Variants in GTF3C5 observed in about 807,000 individuals in gnomAD.
The protein encoded by GTF3C5 is general transcription factor IIIC subunit 5.
A neutral mutation model predicts 61.0 loss-of-function variants in GTF3C5; 47 were observed. The observed-to-expected ratio is 0.77, with a 90% CI of 0.61 to 0.98. GTF3C5 has a LOEUF of 0.98. Among genes scored for constraint, GTF3C5 ranks in the 50% least tolerant of loss-of-function variants. GTF3C5 has a pLI of 0.00. For missense variants in GTF3C5, 659 were observed against 703.3 expected (o/e 0.94, Z 0.71); for synonymous variants, 295 against 275.4 (o/e 1.07, Z -0.71).
intron 3 of GTF3C5, among the ~76,000 whole-genome samples, chr9:133,049,153 C>T (rs539835470): frequency 6.6e-6 from 1 of 152,336 alleles, no homozygotes; most frequent in South Asian, 2.1e-4. Flanking sequence ...CAGCAGTTCC[C>T]CACCTACTTA....
Position 133,037,177 on chromosome 9 carries a change from G to A in GTF3C5, c.154-4910G>A, listed in dbSNP as rs113832711. On this transcript the variant is annotated intron_variant, in intron 1 of 10. Transcript: ENST00000372097. ...TTCCATTCGCAAGCAAAAATGTCTC[G>A]GCTGTCCTCAGACAAGGGGCATGCC... Among the ~76,000 whole-genome samples, 468 of 152,214 alleles carry A rather than the reference G, an allele frequency of 3.1e-3. 3 individuals carry two copies. The highest frequency in any genetic ancestry group is 0.011 in the African/African-American group (444 of 41,498).
intron 3 of GTF3C5, 25 bp downstream of exon 3, chr9:133,043,951 C>G: frequency 3.8e-6 from 6 of 1,568,618 alleles, no homozygotes; most frequent in Non-Finnish European, 5.3e-6. Context: ...CATGCAGCCT[C>G]GGTTCTCTAT....
chr9:133,054,609 C>A (rs1829873328), intron 7 of GTF3C5, 103 bp from the exon 8 acceptor site: 1 of 1,413,886 alleles, frequency 7.1e-7, no homozygotes, highest in South Asian at 1.2e-5. Flanking sequence ...GTCATTCCTC[C>A]CCTAGGAGGG....
intron 1 of GTF3C5, among the ~76,000 whole-genome samples, chr9:133,038,383 T>C (rs753426951): frequency 6.6e-6 from 1 of 151,396 alleles, no homozygotes; most frequent in Non-Finnish European, 1.5e-5. Flanking sequence ...TATCTGTAAT[T>C]GCCAGGAACA....
intron 1 of GTF3C5, among the ~76,000 whole-genome samples, chr9:133,037,470 A>G (rs1849900514): frequency 6.6e-6 from 1 of 152,010 alleles, no homozygotes; most frequent in Non-Finnish European, 1.5e-5. Context: ...GGGATGGGAT[A>G]TTGCTTCCTT....
chr9:133,050,716 G>C (rs1407592546), intron 3 of GTF3C5, 67 bp from the exon 4 acceptor site: 1 of 1,209,212 alleles, frequency 8.3e-7, no homozygotes, highest in African/African-American at 1.5e-5. Context: ...TCCCTGCCTG[G>C]TCTGGCCCAG....
chr9:133,047,950 C>A (rs1237151124), intron 3 of GTF3C5, among the ~76,000 whole-genome samples: 1 of 152,104 alleles, frequency 6.6e-6, no homozygotes, highest in South Asian at 2.1e-4. Context: ...CATAGTGAGA[C>A]CCTGTGTCTA....
At chr9:133,045,010 C>T (rs1037914006) in intron 3 of GTF3C5, among the ~76,000 whole-genome samples, 13 of 151,980 alleles carry the variant, frequency 8.6e-5, no homozygotes, top group Admixed American at 3.3e-4. Flanking sequence ...GAGACCTCAG[C>T]GGCTGTTGGA....
intron 3 of GTF3C5, among the ~76,000 whole-genome samples, chr9:133,047,209 A>G (rs1850234597): frequency 6.6e-6 from 1 of 151,894 alleles, no homozygotes; most frequent in African/African-American, 2.4e-5. Context: ...ATCACCCACA[A>G]CCAGTCCTTG....
rs764878425 is a variant in GTF3C5 at position 133,031,041 on chromosome 9, G to A, written c.30G>A (p.Leu10=). 3 of 1,612,038 alleles carry A rather than the reference G, an allele frequency of 1.9e-6. No individual in the cohort carries two copies. Among genetic ancestry groups the A allele is most frequent in the South Asian group, 2.2e-5 (2 of 90,800 alleles). Residue 10 remains leucine, a synonymous_variant, in exon 1 of 11, where the codon CTG becomes CTA. Transcript: ENST00000372097. ...CGGCGGAGGCGGCCGATTTGGGGCT[G>A]GGGGCCGCCGTCCCCGTGGAGCTGA... MAAEAADLG[L]GAAVPVELRR...
chr9:133,056,917 C>T lies in GTF3C5; in HGVS notation c.1393+9C>T, dbSNP rs202051453. ...CCGCTCCAAGAGGCCTGGTAAGAGCCGCTTGGGGTAAAGGGGGTCCAGGAT... is the reference window on the plus strand; with the variant it reads ...CCGCTCCAAGAGGCCTGGTAAGAGCTGCTTGGGGTAAAGGGGGTCCAGGAT... On this transcript the variant is annotated intron_variant, in intron 10 of 10. Transcript: ENST00000372097. 86 of 1,587,290 alleles carry T rather than the reference C, an allele frequency of 5.4e-5. No individual in the cohort carries two copies. The highest frequency in any genetic ancestry group is 3.2e-4 in the East Asian group (14 of 43,562).
intron 1 of GTF3C5, among the ~76,000 whole-genome samples, chr9:133,032,858 C>T (rs892314219): frequency 3.9e-5 from 6 of 152,192 alleles, no homozygotes; most frequent in African/African-American, 1.4e-4. Flanking sequence ...TAAGCTAGCT[C>T]ATTGGATAAA....
chr9:133,054,794 C>A lies in GTF3C5; in HGVS notation c.1152C>A (p.Ser384Arg). The change falls in exon 8 of 11, where the codon AGC becomes AGA. Residue 384 changes from serine to arginine, a missense_variant. Transcript: ENST00000372097. ...GTSGARKPAS[S>R]KYKLKDSVYI... The stretch of plus-strand genomic sequence containing the variant: ...GTGGTGCTCGGAAACCAGCTTCCAG[C>A]AAGTACAAGCTCAAGGTGGGCGCCC... 1 of 1,575,458 alleles carries A rather than the reference C, an allele frequency of 6.3e-7. No homozygotes were observed.
At chr9:133,033,715 G>A (rs144045234) in intron 1 of GTF3C5, among the ~76,000 whole-genome samples, 2 of 152,164 alleles carry the variant, frequency 1.3e-5, no homozygotes, top group Admixed American at 1.3e-4. Flanking sequence ...CAAGTGGAAA[G>A]GGGACAGTCT....
intron 1 of GTF3C5, among the ~76,000 whole-genome samples, chr9:133,032,292 A>G (rs1849754930): frequency 6.6e-6 from 1 of 152,142 alleles, no homozygotes; most frequent in Admixed American, 6.5e-5. Context: ...TGCTGGTTGG[A>G]GTTGGACCAC....
chr9:133,047,522 TC>T (rs944534632), intron 3 of GTF3C5, among the ~76,000 whole-genome samples: 50 of 150,852 alleles, frequency 3.3e-4, no homozygotes, highest in African/African-American at 1.2e-3. Flanking sequence ...ACATGATCCT[TC>T]CTTTTTTTTT....
At chr9:133,056,165 C>A in intron 9 of GTF3C5, 71 bp downstream of exon 9, 1 of 1,285,562 alleles carries the variant, frequency 7.8e-7, no homozygotes, top group Non-Finnish European at 1.1e-6. Flanking sequence ...GGTCTCTGAA[C>A]TCTTCCACTT....
At position 133,052,113 on chromosome 9, in the gene GTF3C5, C is replaced by T. The variant is rs563230324; in HGVS notation, c.822C>T (p.Ser274=). ...WSRNAVKANI[S]VHPDKLKVLL... The stretch of plus-strand genomic sequence containing the variant: ...GAAATGCTGTCAAGGCCAACATCAG[C>T]GTCCACCCAGACAAGCTCAAGGTCT... The change falls in exon 5 of 11, where the codon AGC becomes AGT. Residue 274 remains serine, a synonymous_variant. Coordinates refer to ENST00000372097, the MANE Select transcript of GTF3C5 (RefSeq NM_012087.4). 190 of 1,609,414 alleles carry T rather than the reference C, an allele frequency of 1.2e-4. 2 individuals are homozygous for T. The South Asian group carries it at 1.3e-3, about 11-fold the overall frequency.
chr9:133,044,221 A>T lies in GTF3C5; in HGVS notation c.572+295A>T, dbSNP rs372025776. The T allele has an allele frequency of 2.0e-4, 82 of 420,140 alleles. 1 individual carries two copies. The highest frequency in any genetic ancestry group is 1.5e-3 in the African/African-American group (76 of 49,614). The allele number at this position is 420,140 out of a possible 1,614,324, so 26.0% of individuals were successfully genotyped here. On this transcript the variant is annotated intron_variant, in intron 3 of 10. Transcript: ENST00000372097. ...CAACAGACGTATTGGGATTGAATTT[A>T]AAAAGTGTGTGCAGTTCTCAGCACA...
Sources: allele counts gnomAD v4.1 joint callset (sites outside exome capture counted in the v4.1 genomes callset), GRCh38; gene constraint gnomAD v4.1.1; transcripts MANE v1.5; gene names NCBI Gene and HGNC (gene_info 2026-07-23, HGNC 2026-07-21).